Variants in EYS observed in about 807,000 individuals in gnomAD.
EYS encodes the protein protein eyes shut homolog.
Under a neutral mutation model 282.1 loss-of-function variants are expected in EYS, and 250 were observed. The observed-to-expected ratio is 0.89, with a 90% CI of 0.80 to 0.98. The LOEUF (loss-of-function observed/expected upper bound fraction) is 0.98, where lower values mean the gene tolerates loss of function less well. EYS is among the 50% of genes least tolerant of loss of function. The probability of loss-of-function intolerance (pLI) is 0.00; values close to 1 mark genes in which losing one functional copy is unlikely to be tolerated. For synonymous variants in EYS, 1,355 were observed against 1,282.9 expected (o/e 1.06, Z -1.20); for missense variants, 4,016 against 3,709.0 (o/e 1.08, Z -2.15).
In EYS at chr6:65,100,363, T is replaced by C. The variant is rs548395304; in HGVS notation, c.2024-42636A>G. 8.6e-5 allele frequency among the ~76,000 whole-genome samples: 13 copies of C among 150,810 alleles called. No homozygotes were observed. In the South Asian group the frequency reaches 2.7e-3, roughly 31 times the overall value. On this transcript the variant is annotated intron_variant, in intron 12 of 42. Transcript: ENST00000503581. The stretch of plus-strand genomic sequence containing the variant: ...CTGACAATTTTAATCAGAAGTTTTT[T>C]TAATGAAGAACAAAAAAAGAGTCAT...
At chr6:64,794,079 G>A (rs1291806239) in intron 22 of EYS, among the ~76,000 whole-genome samples, 2 of 152,074 alleles carry the variant, frequency 1.3e-5, no homozygotes, top group African/African-American at 4.8e-5. Context: ...CCTAATATAA[G>A]TGAAATCATA....
intron 22 of EYS, among the ~76,000 whole-genome samples, chr6:64,763,943 C>T (rs962357033): frequency 4.6e-4 from 70 of 152,186 alleles, no homozygotes; most frequent in African/African-American, 1.3e-3. Flanking sequence ...CAGGGCACAT[C>T]GATGCAAGAG....
rs1184155781 is a variant in EYS at position 63,949,054 on chromosome 6, A to T, written c.7055+35329T>A. On this transcript the variant is annotated intron_variant, in intron 35 of 42. Transcript: ENST00000503581. ...TAATATACAAAAATGAGCATTTTAA[A>T]TTATACTTTTAGTGAAGATTCCATA... Among the ~76,000 whole-genome samples the T allele has an allele frequency of 2.6e-5, 4 of 152,188 alleles. No homozygotes were observed. The East Asian group carries it at 7.7e-4, about 29-fold the overall frequency.
At chr6:64,433,153 C>T (rs1164153034) in intron 28 of EYS, among the ~76,000 whole-genome samples, 1 of 152,000 alleles carries the variant, frequency 6.6e-6, no homozygotes, top group Admixed American at 6.6e-5. Flanking sequence ...GATAGATCAT[C>T]ATGGGCCTAG....
At chr6:65,016,043 C>T (rs1189400187) in intron 13 of EYS, among the ~76,000 whole-genome samples, 1 of 123,166 alleles carries the variant, frequency 8.1e-6, no homozygotes, top group Non-Finnish European at 1.7e-5. Flanking sequence ...GACTCCACAT[C>T]AAAAAAAGAA....
chr6:65,414,115 T>C (rs1767135210), intron 5 of EYS, among the ~76,000 whole-genome samples: 1 of 152,012 alleles, frequency 6.6e-6, no homozygotes, highest in Non-Finnish European at 1.5e-5. Flanking sequence ...AATGAATAAA[T>C]AAAGAGCATA....
At chr6:65,238,154 T>C (rs1766972186) in intron 12 of EYS, among the ~76,000 whole-genome samples, 1 of 151,708 alleles carries the variant, frequency 6.6e-6, no homozygotes, top group South Asian at 2.1e-4. Flanking sequence ...TAGTTTGCTA[T>C]ACTTTTATTC....
rs576209233 is a variant in EYS, at chr6:65,160,149, A to G, written c.2024-102422T>C. Among the ~76,000 whole-genome samples the G allele has an allele frequency of 5.3e-5, 8 of 150,990 alleles. No individual in the cohort carries two copies. In the South Asian group the frequency reaches 1.7e-3, roughly 31 times the overall value. ...TTTTCTTTTGTTTTTTAACCTCAGC[A>G]TTTATGAAAGCTAACTATGGTCTAC... On this transcript the variant is annotated intron_variant, in intron 12 of 42. Transcript: ENST00000503581.
At chr6:65,542,923 C>T (rs1342748722) in intron 2 of EYS, among the ~76,000 whole-genome samples, 1 of 152,184 alleles carries the variant, frequency 6.6e-6, no homozygotes, top group Admixed American at 6.5e-5. Context: ...TTTATACTAA[C>T]ATCTCTCTTC....
chr6:65,466,602 G>A (rs1427599887), intron 5 of EYS, among the ~76,000 whole-genome samples: 1 of 151,092 alleles, frequency 6.6e-6, no homozygotes, highest in African/African-American at 2.4e-5. Context: ...AAAAAAAAAA[G>A]GAAATAAGAG....
At chr6:64,738,482 T>C (rs1346109186) in intron 22 of EYS, among the ~76,000 whole-genome samples, 1 of 152,128 alleles carries the variant, frequency 6.6e-6, no homozygotes, top group Non-Finnish European at 1.5e-5. Flanking sequence ...CTTTTCTTTA[T>C]AAGTAACTCA....
chr6:64,245,282 G>A (rs952169974), intron 30 of EYS, among the ~76,000 whole-genome samples: 2 of 151,714 alleles, frequency 1.3e-5, no homozygotes, highest in East Asian at 1.9e-4. Flanking sequence ...CTTTACTCAG[G>A]TTGTTTTGTT....
rs1209771706 is a variant in EYS at position 65,524,559 on chromosome 6, C to T, written c.-332-28566G>A. On this transcript the variant is annotated intron_variant, in intron 2 of 42. Transcript: ENST00000503581. ...TGTTGCCACCTAGCTGGTACTGTAA[C>T]CAGCTCTTCAAAACACAATTTCACT... Among the ~76,000 whole-genome samples the T allele has an allele frequency of 2.0e-5, 3 of 152,272 alleles. No individual in the cohort carries two copies. In the East Asian group the frequency reaches 5.8e-4, roughly 29 times the overall value.
At chr6:65,134,315 A>T (rs1775961805) in intron 12 of EYS, among the ~76,000 whole-genome samples, 1 of 152,158 alleles carries the variant, frequency 6.6e-6, no homozygotes, top group Non-Finnish European at 1.5e-5. Flanking sequence ...TTGCAGCTCT[A>T]TTCATAATAG....
chr6:64,906,161 AC>A (rs1354146311), intron 16 of EYS, among the ~76,000 whole-genome samples: 1 of 151,438 alleles, frequency 6.6e-6, no homozygotes, highest in Non-Finnish European at 1.5e-5. Flanking sequence ...AAAATAATTA[AC>A]CAATATAAGA....
At chr6:64,438,390 G>T (rs936082432) in intron 27 of EYS, among the ~76,000 whole-genome samples, 1 of 151,682 alleles carries the variant, frequency 6.6e-6, no homozygotes, top group Non-Finnish European at 1.5e-5. Context: ...GGATATAATT[G>T]CATGTCATGT....
At chr6:64,837,343 G>A (rs1313057093) in intron 19 of EYS, among the ~76,000 whole-genome samples, 2 of 151,056 alleles carry the variant, frequency 1.3e-5, no homozygotes, top group Admixed American at 6.6e-5. Flanking sequence ...CAAAATAAAG[G>A]TCATATATGA....
intron 22 of EYS, among the ~76,000 whole-genome samples, chr6:64,690,705 C>T (rs1277677419): frequency 6.6e-6 from 1 of 152,110 alleles, no homozygotes; most frequent in Admixed American, 6.6e-5. Flanking sequence ...TGGAATCCAT[C>T]ATTCTGAGCA....
intron 14 of EYS, among the ~76,000 whole-genome samples, chr6:64,996,064 T>A (rs1771252979): frequency 6.6e-6 from 1 of 152,102 alleles, no homozygotes; most frequent in African/African-American, 2.4e-5. Flanking sequence ...AATTACATTA[T>A]GGATGTGTAC....
Sources: gnomAD v4.1 joint callset for allele counts (sites outside exome capture counted in the v4.1 genomes callset) on GRCh38, gnomAD v4.1.1 for gene constraint, MANE v1.5 for transcripts, NCBI Gene and HGNC (gene_info 2026-07-23, HGNC 2026-07-21) for gene names.